The following NCDN variants were observed in gnomAD, a reference collection of about 807,000 sequenced individuals.
NCDN encodes the protein norbin.
NCDN carries 9 observed loss-of-function variants against 60.7 expected under a neutral mutation model. That is an observed-to-expected ratio of 0.15 (90% CI 0.09 to 0.26). The LOEUF (loss-of-function observed/expected upper bound fraction) is 0.26, where lower values mean the gene tolerates loss of function less well. Among genes scored for constraint, NCDN ranks in the 10% least tolerant of loss-of-function variants. NCDN has a pLI of 1.00. For synonymous variants in NCDN, 409 were observed against 442.5 expected (o/e 0.92, Z 0.95); for missense variants, 578 against 975.2 (o/e 0.59, Z 5.42).
At position 35,563,890 on chromosome 1, in the gene NCDN, G is replaced by T. The variant is rs761372029; in HGVS notation, c.1734G>T (p.Arg578=). Residue 578 remains arginine (R), a synonymous_variant, in exon 6 of 7, where the codon CGG becomes CGT. Coordinates refer to ENST00000373243, the MANE Select transcript of NCDN (RefSeq NM_014284.3). The surrounding 1 kb of genome is among the most constrained non-coding windows in gnomAD (Gnocchi z 6.6). ...CCACCCTGGGGCTCCTCATGGCCCG[G>T]CTCCTTAGCACCTCTCCAGGTAAGA... is the stretch of plus-strand genomic sequence containing the variant. The part of the protein sequence containing the change: ...NVATLGLLMA[R]LLSTSPALQG... 15 of 1,613,966 alleles carry T rather than the reference G, an allele frequency of 9.3e-6. No individual in the cohort carries two copies. In the South Asian group the frequency reaches 1.6e-4, roughly 18 times the overall value.
rs1394980268 is a variant in NCDN, at chr1:35,558,511, A to C, written c.33+288A>C. Reference sequence around the variant, plus strand: ...CAAGGAGCCTGCGGGGGCGACTGAGAGCCCTGGCTGGAGGGGTGGGGTCCC... The same window carrying C: ...CAAGGAGCCTGCGGGGGCGACTGAGCGCCCTGGCTGGAGGGGTGGGGTCCC... On this transcript the variant is annotated intron_variant, in intron 1 of 6. Transcript: ENST00000373243. The surrounding 1 kb of genome is among the most constrained non-coding windows in gnomAD (Gnocchi z 6.3). The C allele has an allele frequency of 1.1e-5, 15 of 1,367,408 alleles. No individual in the cohort carries two copies. The South Asian group carries it at 2.4e-4, about 22-fold the overall frequency. 84.7% of individuals were successfully genotyped at this position (1,367,408 alleles called of 1,614,324 possible).
chr1:35,558,706 G>A lies in NCDN; in HGVS notation c.34-401G>A. ...CCCATGTATGTCTCCATTTCTCCCT[G>A]TCTGTCCTCACCACTCACTCCCTCT... On this transcript the variant is annotated intron_variant, in intron 1 of 6. Coordinates refer to ENST00000373243, the MANE Select transcript of NCDN (RefSeq NM_014284.3). This position sits in a 1 kb window ranked among gnomAD's most constrained non-coding sequence, Gnocchi z 6.3. 8.7e-7 allele frequency: 1 copy of A among 1,147,574 alleles called. No individual in the cohort carries two copies. Among genetic ancestry groups the A allele is most frequent in the South Asian group, 2.7e-5 (1 of 37,104 alleles). 71.1% of individuals were successfully genotyped at this position (1,147,574 alleles called of 1,614,324 possible).
chr1:35,565,130 C>A lies in NCDN; in HGVS notation c.1754-97C>A. The A allele has an allele frequency of 8.0e-7, 1 of 1,253,884 alleles. No individual in the cohort carries two copies. Among genetic ancestry groups the A allele is most frequent in the Non-Finnish European group, 1.1e-6 (1 of 902,104 alleles). 77.7% of individuals were successfully genotyped at this position (1,253,884 alleles called of 1,614,324 possible). On this transcript the variant is annotated intron_variant, in intron 6 of 6. Coordinates refer to ENST00000373243, the MANE Select transcript of NCDN (RefSeq NM_014284.3). The surrounding 1 kb of genome is among the most constrained non-coding windows in gnomAD (Gnocchi z 8.9). ...AGGCAGTCTGATTCCAGGCTGTGCC[C>A]TGGCTCCTGCATGTGTCTACACAGA...
In NCDN at chr1:35,563,754, C is replaced by G. The variant is rs780016756; in HGVS notation, c.1611-13C>G. ...CCCCACCTACCTCCATCCTTCCCCC[C>G]TTTCTTTTCCAGGCGTGACGCCTGC... is the stretch of plus-strand genomic sequence containing the variant. On this transcript the variant is annotated splice_polypyrimidine_tract_variant and intron_variant, in intron 5 of 6. Transcript: ENST00000373243. The surrounding 1 kb of genome is among the most constrained non-coding windows in gnomAD (Gnocchi z 6.6). The G allele has an allele frequency of 3.7e-6, 6 of 1,613,508 alleles. No individual in the cohort carries two copies. The highest frequency in any genetic ancestry group is 1.7e-5 in the Admixed American group (1 of 59,944).
chr1:35,566,571 TG>T lies in NCDN; in HGVS notation c.*909del, dbSNP rs1648882716. On this transcript the variant is annotated 3_prime_UTR_variant, in exon 7 of 7. Transcript: ENST00000373243. The surrounding 1 kb of genome is among the most constrained non-coding windows in gnomAD (Gnocchi z 5.3). ...TCCCACCCCTGCTATGACTCCTCTC[TG>T]CAGAGACGCGACTGGCGGCTCCAGC... 2 of 353,174 alleles carry T rather than the reference TG, an allele frequency of 5.7e-6. No individual in the cohort carries two copies. The highest frequency in any genetic ancestry group is 1.1e-5 in the Non-Finnish European group (2 of 177,410). 21.9% of individuals were successfully genotyped at this position (353,174 alleles called of 1,614,324 possible).
Position 35,561,225 on chromosome 1 carries a change from G to A in NCDN, c.1074G>A (p.Glu358=). Residue 358 remains glutamate (E), a synonymous_variant, in exon 3 of 7, where the codon GAG becomes GAA. Coordinates refer to ENST00000373243, the MANE Select transcript of NCDN (RefSeq NM_014284.3). This position sits in a 1 kb window ranked among gnomAD's most constrained non-coding sequence, Gnocchi z 4.9. ...GCTGTGAGCAGTCACTGCTTAAGGAGCCACAGAAGGTGCAGCTCGTGAGCG... is the reference window on the plus strand; with the variant it reads ...GCTGTGAGCAGTCACTGCTTAAGGAACCACAGAAGGTGCAGCTCGTGAGCG... The part of the protein sequence containing the change: ...CTRCEQSLLK[E]PQKVQLVSVM... The A allele has an allele frequency of 6.2e-7, 1 of 1,611,366 alleles. No individual in the cohort carries two copies. The highest frequency in any genetic ancestry group is 8.5e-7 in the Non-Finnish European group (1 of 1,179,218).
Position 35,561,345 on chromosome 1 carries a change from C to T in NCDN, c.1143+51C>T, listed in dbSNP as rs768217577. The T allele has an allele frequency of 1.4e-5, 22 of 1,523,626 alleles. No homozygotes were observed. The highest frequency in any genetic ancestry group is 1.9e-5 in the Non-Finnish European group (22 of 1,142,712). 94.4% of individuals were successfully genotyped at this position (1,523,626 alleles called of 1,614,324 possible). ...GGGCCCAGTATGGGGGGAGCCAGTGCTGGAGCTGGGAGGCAAGGGGGAGGA... is the reference window on the plus strand; with the variant it reads ...GGGCCCAGTATGGGGGGAGCCAGTGTTGGAGCTGGGAGGCAAGGGGGAGGA... On this transcript the variant is annotated intron_variant, in intron 3 of 6. Coordinates refer to ENST00000373243, the MANE Select transcript of NCDN (RefSeq NM_014284.3). The surrounding 1 kb of genome is among the most constrained non-coding windows in gnomAD (Gnocchi z 4.9).
chr1:35,563,353 A>G lies in NCDN; in HGVS notation c.1537A>G (p.Ser513Gly). 5 of 1,614,210 alleles carry G rather than the reference A, an allele frequency of 3.1e-6. No individual in the cohort carries two copies. Among genetic ancestry groups the G allele is most frequent in the South Asian group, 2.2e-5 (2 of 91,088 alleles). The change falls in exon 5 of 7, where the codon AGC (serine) becomes GGC (glycine). Residue 513 changes from serine to glycine, a missense_variant. By Grantham distance (56) the Ser-to-Gly change is moderately conservative. Coordinates refer to ENST00000373243, the MANE Select transcript of NCDN (RefSeq NM_014284.3). The surrounding 1 kb of genome is among the most constrained non-coding windows in gnomAD (Gnocchi z 6.6). ...CCACGACACCTCGGTGCTGCCTGAC[A>G]GCGTGGAGATTGGCCTGCAGACCTG... ...PGHDTSVLPD[S>G]VEIGLQTCCH...
intron 6 of NCDN, among the ~76,000 whole-genome samples, chr1:35,564,563 C>T (rs537371643): frequency 2.0e-5 from 3 of 152,326 alleles, no homozygotes; most frequent in Admixed American, 2.0e-4. Flanking sequence ...CCTCTGTGTT[C>T]CTTTTGAGGG....
chr1:35,562,361 G>T lies in NCDN; in HGVS notation c.1144-31G>T. On this transcript the variant is annotated intron_variant, in intron 3 of 6. Coordinates refer to ENST00000373243, the MANE Select transcript of NCDN (RefSeq NM_014284.3). This position sits in a 1 kb window ranked among gnomAD's most constrained non-coding sequence, Gnocchi z 6.8. ...CAAGGCAGGGAGGGTCCCTGGTCCT[G>T]CTCCATCTCAAGGGGGTCCTGTGGC... 1 of 1,609,132 alleles carries T rather than the reference G, an allele frequency of 6.2e-7. No individual in the cohort carries two copies. The highest frequency in any genetic ancestry group is 8.5e-7 in the Non-Finnish European group (1 of 1,176,880).
Position 35,558,682 on chromosome 1 carries a change from C to CCAT in NCDN, c.34-424_34-422dup. The CCAT allele has an allele frequency of 8.8e-7, 1 of 1,137,794 alleles. No individual in the cohort carries two copies. The highest frequency in any genetic ancestry group is 1.1e-6 in the Non-Finnish European group (1 of 922,770). The allele number at this position is 1,137,794 out of a possible 1,614,324, so 70.5% of individuals were successfully genotyped here. A position where few individuals can be genotyped will look rare whatever the true frequency, so the allele number is the denominator to read the frequency against. The stretch of plus-strand genomic sequence containing the variant: ...CTGAGTCCGGATAATCGAACTTCAC[C>CCAT]CATGTATGTCTCCATTTCTCCCTGT... On this transcript the variant is annotated intron_variant, in intron 1 of 6. Coordinates refer to ENST00000373243, the MANE Select transcript of NCDN (RefSeq NM_014284.3). The surrounding 1 kb of genome is among the most constrained non-coding windows in gnomAD (Gnocchi z 6.3).
Position 35,558,098 on chromosome 1 carries a change from T to A in NCDN, c.-93T>A. 1 of 1,542,274 alleles carries A rather than the reference T, an allele frequency of 6.5e-7. No individual in the cohort carries two copies. Among genetic ancestry groups the A allele is most frequent in the Non-Finnish European group, 8.9e-7 (1 of 1,123,884 alleles). ...TTTGCCCTGTCATCTTTGGGGGCTG[T>A]CTCCCATGTCGTGATTTTGACGTGA... On this transcript the variant is annotated 5_prime_UTR_variant, in exon 1 of 7. It introduces an in-frame stop codon into an upstream open reading frame of the 5' UTR. Transcript: ENST00000373243. This position sits in a 1 kb window ranked among gnomAD's most constrained non-coding sequence, Gnocchi z 6.3.
chr1:35,558,018 G>C lies in NCDN; in HGVS notation c.-173G>C, dbSNP rs1396886454. 1.1e-5 allele frequency: 11 copies of C among 977,874 alleles called. No individual in the cohort carries two copies. The highest frequency in any genetic ancestry group is 1.7e-5 in the Non-Finnish European group (11 of 665,416). The allele number at this position is 977,874 out of a possible 1,614,324, so 60.6% of individuals were successfully genotyped here. Reference sequence around the variant, plus strand: ...CCATATCGCGACACCATCGTGCCCTGTCGAGACTCCATTTTGTCACAGCCC... The same window carrying C: ...CCATATCGCGACACCATCGTGCCCTCTCGAGACTCCATTTTGTCACAGCCC... On this transcript the variant is annotated 5_prime_UTR_variant, in exon 1 of 7. Coordinates refer to ENST00000373243, the MANE Select transcript of NCDN (RefSeq NM_014284.3). The surrounding 1 kb of genome is among the most constrained non-coding windows in gnomAD (Gnocchi z 6.3).
chr1:35,561,457 CCTCT>C lies in NCDN; in HGVS notation c.1143+169_1143+172del, dbSNP rs1031078523. ...AGGGAGTAGTGTGCGGCCCAACCTC[CCTCT>C]CTCTCCCTCCCTCCACACAAGCACC... On this transcript the variant is annotated intron_variant, in intron 3 of 6. Coordinates refer to ENST00000373243, the MANE Select transcript of NCDN (RefSeq NM_014284.3). This position sits in a 1 kb window ranked among gnomAD's most constrained non-coding sequence, Gnocchi z 4.9. 3.3e-5 allele frequency among the ~76,000 whole-genome samples: 5 copies of C among 151,834 alleles called. No individual in the cohort carries two copies. The highest frequency in any genetic ancestry group is 5.9e-5 in the Non-Finnish European group (4 of 67,942).
rs1648429519 is a variant in NCDN at position 35,558,101 on chromosome 1, C to A, written c.-90C>A. 3 of 1,569,852 alleles carry A rather than the reference C, an allele frequency of 1.9e-6. No individual in the cohort carries two copies. The highest frequency in any genetic ancestry group is 2.6e-6 in the Non-Finnish European group (3 of 1,143,518). ...GCCCTGTCATCTTTGGGGGCTGTCT[C>A]CCATGTCGTGATTTTGACGTGATCT... is the stretch of plus-strand genomic sequence containing the variant. On this transcript the variant is annotated 5_prime_UTR_variant, in exon 1 of 7. Coordinates refer to ENST00000373243, the MANE Select transcript of NCDN (RefSeq NM_014284.3). This position sits in a 1 kb window ranked among gnomAD's most constrained non-coding sequence, Gnocchi z 6.3.
rs1313272065 is a variant in NCDN, at chr1:35,565,600, G to A, written c.2127G>A (p.Ala709=). The A allele has an allele frequency of 1.4e-5, 22 of 1,560,180 alleles. No homozygotes were observed. The highest frequency in any genetic ancestry group is 7.1e-5 in the East Asian group (3 of 42,248). Residue 709 remains alanine, a synonymous_variant, in exon 7 of 7, where the codon GCG becomes GCA. Transcript: ENST00000373243. The surrounding 1 kb of genome is among the most constrained non-coding windows in gnomAD (Gnocchi z 8.9). ...RLCREAMRLQ[A]GEETASHYRM... ...GCCGGGAGGCCATGAGGCTGCAGGC[G>A]GGCGAGGAGACGGCCAGCCACTACC...
Position 35,558,305 on chromosome 1 carries a change from T to TC in NCDN, c.33+84dup. The TC allele has an allele frequency of 6.2e-7, 1 of 1,600,326 alleles. No individual in the cohort carries two copies. The highest frequency in any genetic ancestry group is 1.1e-5 in the South Asian group (1 of 90,150). ...CTTCGATTATCCGGCTTTTGGATTC[T>TC]CCGTTGTCCTGGGAACTATCCGGGA... On this transcript the variant is annotated intron_variant, in intron 1 of 6. Coordinates refer to ENST00000373243, the MANE Select transcript of NCDN (RefSeq NM_014284.3). This position sits in a 1 kb window ranked among gnomAD's most constrained non-coding sequence, Gnocchi z 6.3.
chr1:35,562,100 T>C lies in NCDN; in HGVS notation c.1144-292T>C, dbSNP rs554156636. On this transcript the variant is annotated intron_variant, in intron 3 of 6. Transcript: ENST00000373243. The surrounding 1 kb of genome is among the most constrained non-coding windows in gnomAD (Gnocchi z 6.8). Reference sequence around the variant, plus strand: ...CTCCAGAGGTAGGGAGTTAGGGAGATGTGACTGGAGCCTCAGCGAGTACGG... The same window carrying C: ...CTCCAGAGGTAGGGAGTTAGGGAGACGTGACTGGAGCCTCAGCGAGTACGG... Among the ~76,000 whole-genome samples, 1 of 152,256 alleles carries C rather than the reference T, an allele frequency of 6.6e-6. No individual in the cohort carries two copies. The highest frequency in any genetic ancestry group is 6.5e-5 in the Admixed American group (1 of 15,290).
At position 35,563,211 on chromosome 1, in the gene NCDN, G is replaced by A. The variant is rs115546115; in HGVS notation, c.1395G>A (p.Leu465=). The change falls in exon 5 of 7, where the codon CTG becomes CTA. Residue 465 remains leucine (L), a synonymous_variant. Transcript: ENST00000373243. The surrounding 1 kb of genome is among the most constrained non-coding windows in gnomAD (Gnocchi z 6.6). ...CCTTCCACATCCCCAGGCTCCTCCT[G>A]CCTGGCTGGTGCCACCTGACCGTTG... The part of the protein sequence containing the change: ...TWPGDALRLL[L]PGWCHLTVED... The A allele has an allele frequency of 1.7e-5, 28 of 1,612,690 alleles. No homozygotes were observed. The highest frequency in any genetic ancestry group is 3.3e-5 in the Admixed American group (2 of 59,986).
Sources: gnomAD v4.1 joint callset for allele counts (sites outside exome capture counted in the v4.1 genomes callset) on GRCh38, gnomAD v4.1.1 for gene constraint, Gnocchi (gnomAD v3.1) non-coding constraint, MANE v1.5 for transcripts, NCBI Gene and HGNC (gene_info 2026-07-23, HGNC 2026-07-21) for gene names.